The following ATP6V0D1 variants were observed in gnomAD, a reference collection of about 807,000 sequenced individuals.
The protein encoded by ATP6V0D1 is ATPase H+ transporting V0 subunit d1, also known as V-type proton ATPase subunit d 1.
A neutral mutation model predicts 39.0 loss-of-function variants in ATP6V0D1; 13 were observed. The observed-to-expected ratio is 0.33, with a 90% CI of 0.22 to 0.53. The LOEUF is 0.53. Ranked by LOEUF, ATP6V0D1 falls within the 20% of genes least tolerant of loss-of-function variation. The pLI is 0.94. For missense variants in ATP6V0D1, 272 were observed against 470.9 expected, an observed-to-expected ratio of 0.58 and a Z score of 3.91; for synonymous variants, 191 against 191.2, an observed-to-expected ratio of 1.00 and a Z score of 0.01.
At chr16:67,458,219 C>T (rs1037197514) in intron 1 of ATP6V0D1, among the ~76,000 whole-genome samples, 8 of 152,220 alleles carry the variant, frequency 5.3e-5, no homozygotes, top group Non-Finnish European at 7.3e-5. Context: ...TAGGACAAGG[C>T]TGGTTGGGAT....
chr16:67,462,823 G>A (rs2041298966), intron 1 of ATP6V0D1, among the ~76,000 whole-genome samples: 1 of 141,994 alleles, frequency 7.0e-6, no homozygotes, highest in Non-Finnish European at 1.5e-5. Flanking sequence ...GGGAGACTCT[G>A]TCTCAAAAAA....
chr16:67,476,659 G>A (rs540955533), intron 1 of ATP6V0D1, among the ~76,000 whole-genome samples: 1 of 152,158 alleles, frequency 6.6e-6, no homozygotes, highest in Non-Finnish European at 1.5e-5. Flanking sequence ...AACCCCCGAT[G>A]AAACGATGGC....
In ATP6V0D1 at chr16:67,443,102, G is replaced by A; in HGVS notation, c.558C>T (p.Tyr186=). ...CATGGCTTGTGTGGGGCATTACCTTGTAGAGGGTGTTGCGGATGATCTCGA... is the reference window on the plus strand; with the variant it reads ...CATGGCTTGTGTGGGGCATTACCTTATAGAGGGTGTTGCGGATGATCTCGA... ...MNIEIIRNTL[Y]KAYLESFYKF... is the part of the protein sequence containing the mutation. The change falls in exon 4 of 8, where the codon TAC becomes TAT. Residue 186 remains tyrosine, a synonymous_variant. Coordinates refer to ENST00000290949, the MANE Select transcript of ATP6V0D1 (RefSeq NM_004691.5). 1.2e-6 allele frequency: 2 copies of A among 1,613,618 alleles called. No individual in the cohort carries two copies. Among genetic ancestry groups the A allele is most frequent in the Non-Finnish European group, 1.7e-6 (2 of 1,179,944 alleles).
At chr16:67,480,850 G>T in intron 1 of ATP6V0D1, 107 bp downstream of exon 1, 1 of 1,455,394 alleles carries the variant, frequency 6.9e-7, no homozygotes, top group Non-Finnish European at 9.3e-7. Flanking sequence ...TTCCCAGAGA[G>T]GCCTCTCAGG....
Position 67,438,424 on chromosome 16 carries a change from G to A in ATP6V0D1, c.*104C>T, listed in dbSNP as rs886239466. The A allele has an allele frequency of 2.1e-6, 3 of 1,396,710 alleles. No homozygotes were observed. Among genetic ancestry groups the A allele is most frequent in the Admixed American group, 2.0e-5 (1 of 48,988 alleles). The allele number at this position is 1,396,710 out of a possible 1,614,324, so 86.5% of individuals were successfully genotyped here. ...CGTACTACACCCCGGACAGGCAGGT[G>A]AGCCACAGGCTTGTCACAGACCACA... On this transcript the variant is annotated 3_prime_UTR_variant, in exon 8 of 8. Transcript: ENST00000290949.
intron 1 of ATP6V0D1, among the ~76,000 whole-genome samples, chr16:67,478,114 A>C (rs1284706222): frequency 6.6e-6 from 1 of 152,194 alleles, no homozygotes; most frequent in Non-Finnish European, 1.5e-5. Context: ...TAGCTTGTTG[A>C]CATTTCACAA....
At position 67,439,103 on chromosome 16, in the gene ATP6V0D1, G is replaced by A. The variant is rs774038749; in HGVS notation, c.684C>T (p.Phe228=). The A allele has an allele frequency of 1.4e-5, 22 of 1,614,090 alleles. No homozygotes were observed. The South Asian group carries it at 1.5e-4, about 11-fold the overall frequency. Reference sequence around the variant, plus strand: ...GGTCCTCTTTGGACAGCTCTGTGCCGAAAGAATTGATGGTGATGATGAAGG... The same window carrying A: ...GGTCCTCTTTGGACAGCTCTGTGCCAAAAGAATTGATGGTGATGATGAAGG... ...RRAFIITINS[F]GTELSKEDRA... The change falls in exon 6 of 8, where the codon TTC becomes TTT. Residue 228 remains phenylalanine, a synonymous_variant. Transcript: ENST00000290949.
Position 67,460,297 on chromosome 16 carries a change from GGCTGGTGGCCCAACAAAGCGAGA to G in ATP6V0D1, c.131-6605_131-6583del, listed in dbSNP as rs575452925. Among the ~76,000 whole-genome samples the G allele has an allele frequency of 5.7e-3, 869 of 152,332 alleles. 6 individuals carry two copies. The highest frequency in any genetic ancestry group is 0.019 in the African/African-American group (804 of 41,568). ...ATGGACCAATGTGGACAGATGGCCA[GGCTGGTGGCCCAACAAAGCGAGA>G]GCTGCCCTGCCCCTCCTCGGTGAAT... On this transcript the variant is annotated intron_variant, in intron 1 of 7. Transcript: ENST00000290949.
At chr16:67,472,687 G>A (rs1017318462) in intron 1 of ATP6V0D1, among the ~76,000 whole-genome samples, 3 of 152,164 alleles carry the variant, frequency 2.0e-5, no homozygotes, top group Non-Finnish European at 4.4e-5. Context: ...CTAACACGGT[G>A]AAACCCCGTT....
intron 4 of ATP6V0D1, chr16:67,441,790 T>G (rs2041055611): frequency 6.6e-6 from 1 of 152,234 alleles, no homozygotes. Flanking sequence ...TCCTAGTTCC[T>G]AGCGCAGTCT....
intron 1 of ATP6V0D1, among the ~76,000 whole-genome samples, chr16:67,467,549 T>C (rs973896336): frequency 2.0e-5 from 3 of 152,134 alleles, no homozygotes; most frequent in African/African-American, 7.2e-5. Flanking sequence ...CAAATATCTA[T>C]TGAGCATCCA....
chr16:67,469,635 C>T (rs756493197), intron 1 of ATP6V0D1, among the ~76,000 whole-genome samples: 1 of 152,152 alleles, frequency 6.6e-6, no homozygotes, highest in Non-Finnish European at 1.5e-5. Context: ...CCCCACAATG[C>T]GAAACAAAAC....
chr16:67,452,923 A>G (rs535779387), intron 2 of ATP6V0D1, among the ~76,000 whole-genome samples: 11 of 152,334 alleles, frequency 7.2e-5, no homozygotes, highest in East Asian at 1.9e-4. Flanking sequence ...GCCAAGAGTC[A>G]TAAGAATGGG....
Position 67,452,692 on chromosome 16 carries a change from G to C in ATP6V0D1, c.302+852C>G, listed in dbSNP as rs75965630. Among the ~76,000 whole-genome samples, 1,134 of 152,298 alleles carry C rather than the reference G, an allele frequency of 7.4e-3. 16 individuals are homozygous for C. The highest frequency in any genetic ancestry group is 0.026 in the African/African-American group (1,083 of 41,562). On this transcript the variant is annotated intron_variant, in intron 2 of 7. Transcript: ENST00000290949. ...CCTGTGGGGCCACCACCTAGGCTGG[G>C]ACTATTTCTTTGTCCACCAGGACTT... is the stretch of plus-strand genomic sequence containing the variant.
At chr16:67,474,729 C>A (rs2041401233) in intron 1 of ATP6V0D1, among the ~76,000 whole-genome samples, 1 of 152,160 alleles carries the variant, frequency 6.6e-6, no homozygotes, top group South Asian at 2.1e-4. Context: ...ACCGCTATCT[C>A]AATTTCCCAA....
intron 1 of ATP6V0D1, among the ~76,000 whole-genome samples, chr16:67,477,859 G>C (rs902924206): frequency 2.6e-5 from 4 of 152,054 alleles, no homozygotes; most frequent in African/African-American, 9.7e-5. Flanking sequence ...ATTTTTAGTA[G>C]AGACGGGGTT....
chr16:67,438,876 CA>C lies in ATP6V0D1; in HGVS notation c.817-7del, dbSNP rs752206845. On this transcript the variant is annotated splice_polypyrimidine_tract_variant and splice_region_variant and intron_variant, in intron 6 of 7. Coordinates refer to ENST00000290949, the MANE Select transcript of ATP6V0D1 (RefSeq NM_004691.5). ...TCGAAGAGCAGCTTGTACTCCTGGC[CA>C]GGGGGGTGGGGGGAAGCACAAGCAT... The C allele has an allele frequency of 5.0e-6, 8 of 1,604,454 alleles. No individual in the cohort carries two copies. Among genetic ancestry groups the C allele is most frequent in the Non-Finnish European group, 6.8e-6 (8 of 1,177,946 alleles).
In ATP6V0D1 at chr16:67,444,691, G is replaced by T; in HGVS notation, c.318C>A (p.Ile106=). The part of the protein sequence containing the change: ...FLDFITYSYM[I]DNVILLITGT... ...CTGTGATGAGCAGGATCACGTTGTC[G>T]ATCATGTAACTGTAACTACAGGGGG... The change falls in exon 3 of 8, where the codon ATC becomes ATA. Residue 106 remains isoleucine (I), a synonymous_variant. Transcript: ENST00000290949. The surrounding 1 kb of genome is among the most constrained non-coding windows in gnomAD (Gnocchi z 4.8). 1 of 1,599,764 alleles carries T rather than the reference G, an allele frequency of 6.3e-7. No homozygotes were observed. Among genetic ancestry groups the T allele is most frequent in the South Asian group, 1.1e-5 (1 of 90,370 alleles).
At chr16:67,467,633 C>A (rs912544958) in intron 1 of ATP6V0D1, among the ~76,000 whole-genome samples, 1 of 152,192 alleles carries the variant, frequency 6.6e-6, no homozygotes, top group African/African-American at 2.4e-5. Context: ...TACAAGTGGG[C>A]AAATACATCT....
Sources: gnomAD v4.1 joint callset for allele counts (sites outside exome capture counted in the v4.1 genomes callset) on GRCh38, gnomAD v4.1.1 for gene constraint, Gnocchi (gnomAD v3.1) non-coding constraint, MANE v1.5 for transcripts, NCBI Gene and HGNC (gene_info 2026-07-23, HGNC 2026-07-21) for gene names.